The following ZNF197 variants were observed in gnomAD, a reference collection of about 807,000 sequenced individuals.
The protein encoded by ZNF197 is zinc finger protein 197.
In ZNF197, 14 loss-of-function variants were observed where a neutral mutation model predicts 27.4. The observed-to-expected ratio is 0.51, with a 90% CI of 0.34 to 0.80. ZNF197 has a LOEUF of 0.80. Ranked by LOEUF, ZNF197 falls within the 30% of genes least tolerant of loss-of-function variation. ZNF197 has a pLI of 0.02. For synonymous variants in ZNF197, 415 were observed against 420.0 expected, an observed-to-expected ratio of 0.99 and a Z score of 0.15; for missense variants, 1,090 against 1,222.6, an observed-to-expected ratio of 0.89 and a Z score of 1.62.
In ZNF197 at chr3:44,642,859, C is replaced by T. The variant is rs760841561; in HGVS notation, c.1729C>T (p.Arg577Ter). Reference protein sequence around the residue: ...KCKECGKVFIRSKSLLLHQRV... With the variant: ...KCKECGKVFI ...TAAAGAATGTGGAAAAGTTTTCATTCGAAGCAAAAGCCTCCTCTTACATCA... is the reference window on the plus strand; with the variant it reads ...TAAAGAATGTGGAAAAGTTTTCATTTGAAGCAAAAGCCTCCTCTTACATCA... The change falls in exon 6 of 6, where the codon CGA becomes TGA. Residue 577 changes from arginine (R) to a stop codon, truncating the protein, a stop_gained. Coordinates refer to ENST00000344387, the MANE Select transcript of ZNF197 (RefSeq NM_006991.5). LOFTEE classifies it low-confidence loss of function (END_TRUNC). 9.9e-6 allele frequency: 16 copies of T among 1,613,934 alleles called. No individual in the cohort carries two copies. The highest frequency in any genetic ancestry group is 2.2e-5 in the East Asian group (1 of 44,890).
chr3:44,645,263 G>C lies in ZNF197; in HGVS notation c.*1043G>C. ...CAGTTGTCAATAAAGTTGGATAAAA[G>C]AGGTTATGGTAAAAGTTTAGAACAT... On this transcript the variant is annotated 3_prime_UTR_variant, in exon 6 of 6. Transcript: ENST00000344387. 1 of 985,206 alleles carries C rather than the reference G, an allele frequency of 1.0e-6. No individual in the cohort carries two copies. Among genetic ancestry groups the C allele is most frequent in the Non-Finnish European group, 1.2e-6 (1 of 829,920 alleles). The allele number at this position is 985,206 out of a possible 1,614,324, so 61.0% of individuals were successfully genotyped here. A position where few individuals can be genotyped will look rare whatever the true frequency, so the allele number is the denominator to read the frequency against.
intron 5 of ZNF197, 27 bp from the exon 6 acceptor site, chr3:44,641,873 A>G: frequency 1.3e-6 from 2 of 1,544,692 alleles, no homozygotes; most frequent in Admixed American, 2.1e-5. Context: ...ACGTGGTAAC[A>G]TTTGCATTTT....
At chr3:44,639,768 A>G (rs1702495191) in intron 5 of ZNF197, among the ~76,000 whole-genome samples, 2 of 152,170 alleles carry the variant, frequency 1.3e-5, no homozygotes, top group Non-Finnish European at 2.9e-5. Flanking sequence ...AGGAAGAGGA[A>G]AGGACACGGA....
At chr3:44,635,269 T>A (rs1244001504) in intron 5 of ZNF197, among the ~76,000 whole-genome samples, 1 of 151,188 alleles carries the variant, frequency 6.6e-6, no homozygotes, top group African/African-American at 2.4e-5. Flanking sequence ...AAAAAAAAAA[T>A]GTGCACTCCG....
At chr3:44,632,080 T>C (rs770461623) in intron 3 of ZNF197, 25 bp from the exon 4 acceptor site, 1 of 1,609,316 alleles carries the variant, frequency 6.2e-7, no homozygotes, top group East Asian at 2.2e-5. Flanking sequence ...GTAGGTCCCA[T>C]ATGCAGCTTT....
rs192086609 is a variant in ZNF197, at chr3:44,629,434, C to G, written c.280C>G (p.Leu94Val). 5.0e-6 allele frequency: 8 copies of G among 1,614,004 alleles called. No homozygotes were observed. Among genetic ancestry groups the G allele is most frequent in the African/African-American group, 4.0e-5 (3 of 74,930 alleles). Residue 94 changes from leucine (L) to valine (V), a missense_variant, in exon 2 of 6, where the codon CTG (leucine) becomes GTG (valine). Leu to Val is a conservative substitution (Grantham distance 32, BLOSUM62 1). Transcript: ENST00000344387. ...GGTGCTGGAGCAGTTTCTGAGCATC[C>G]TGCCTGGGGAGATTCGGACCTGGGT... is the stretch of plus-strand genomic sequence containing the variant. ...LLVLEQFLSI[L>V]PGEIRTWVQL... is the part of the protein sequence containing the mutation.
Position 44,643,312 on chromosome 3 carries a change from C to T in ZNF197, c.2182C>T (p.His728Tyr), listed in dbSNP as rs1433531625. The T allele has an allele frequency of 2.5e-6, 4 of 1,613,548 alleles. No individual in the cohort carries two copies. Among genetic ancestry groups the T allele is most frequent in the Non-Finnish European group, 3.4e-6 (4 of 1,179,896 alleles). Residue 728 changes from histidine (H) to tyrosine (Y), a missense_variant, in exon 6 of 6, where the codon CAT becomes TAT. Coordinates refer to ENST00000344387, the MANE Select transcript of ZNF197 (RefSeq NM_006991.5). ...SKSFMVHQKL[H>Y]TQEKAYKCED... Reference sequence around the variant, plus strand: ...AAGTTTTATGGTCCATCAGAAACTCCATACACAAGAGAAAGCCTACAAATG... The same window carrying T: ...AAGTTTTATGGTCCATCAGAAACTCTATACACAAGAGAAAGCCTACAAATG...
In ZNF197 at chr3:44,642,481, G is replaced by A. The variant is rs1253596565; in HGVS notation, c.1351G>A (p.Glu451Lys). The change falls in exon 6 of 6, where the codon GAG (glutamate) becomes AAG (lysine). Residue 451 changes from glutamate to lysine, a missense_variant. Glu to Lys is a moderately conservative substitution (Grantham distance 56). Transcript: ENST00000344387. Reference protein sequence around the residue: ...LLNHQRIHTGEKPYKCKECGK... With the variant: ...LLNHQRIHTGKKPYKCKECGK... ...AAACCATCAGAGGATCCACACTGGG[G>A]AGAAACCTTATAAGTGTAAGGAGTG... 6.2e-7 allele frequency: 1 copy of A among 1,614,084 alleles called. No homozygotes were observed. The highest frequency in any genetic ancestry group is 8.5e-7 in the Non-Finnish European group (1 of 1,179,990).
chr3:44,629,614 G>T, intron 2 of ZNF197, 70 bp downstream of exon 2: 2 of 1,477,492 alleles, frequency 1.4e-6, no homozygotes, highest in East Asian at 2.4e-5. Flanking sequence ...TAGGCTAGAG[G>T]GTGATCCTGT....
chr3:44,631,332 A>G, intron 3 of ZNF197, 111 bp downstream of exon 3: 1 of 1,351,408 alleles, frequency 7.4e-7, no homozygotes, highest in Non-Finnish European at 1.0e-6. Context: ...AGTCTCTTAC[A>G]GTGCCAATTT....
At chr3:44,626,101 TTTG>T (rs1203722350) in intron 1 of ZNF197, among the ~76,000 whole-genome samples, 7 of 152,212 alleles carry the variant, frequency 4.6e-5, no homozygotes, top group East Asian at 1.9e-4. Flanking sequence ...TGTTTAAGAA[TTTG>T]TTATTTTTAT....
intron 1 of ZNF197, among the ~76,000 whole-genome samples, chr3:44,625,750 GCACACACACACACACACACA>G (rs56833441): frequency 2.7e-5 from 4 of 149,058 alleles, no homozygotes; most frequent in East Asian, 4.0e-4. Context: ...GCGCGCGCGC[GCACACACACACACACACACA>G]CACACACACA....
intron 5 of ZNF197, 41 bp downstream of exon 5, chr3:44,632,640 C>T: frequency 2.1e-6 from 3 of 1,424,890 alleles, no homozygotes; most frequent in Non-Finnish European, 1.8e-6. Context: ...TTTATTTCAC[C>T]AGCCTTTATT....
rs778048207 is a variant in ZNF197, at chr3:44,632,466, A to G, written c.643-7A>G. The G allele has an allele frequency of 3.2e-6, 5 of 1,580,306 alleles. No individual in the cohort carries two copies. Among genetic ancestry groups the G allele is most frequent in the Non-Finnish European group, 4.3e-6 (5 of 1,167,266 alleles). On this transcript the variant is annotated splice_polypyrimidine_tract_variant and splice_region_variant and intron_variant, in intron 4 of 5. Transcript: ENST00000344387. The stretch of plus-strand genomic sequence containing the variant: ...ATTGGTAATCTCACACACACTTGTT[A>G]TTTCAGGAGTTGGTGATGTTCGAGG...
chr3:44,634,924 C>T (rs1338740188), intron 5 of ZNF197, among the ~76,000 whole-genome samples: 1 of 152,018 alleles, frequency 6.6e-6, no homozygotes, highest in African/African-American at 2.4e-5. Flanking sequence ...TGGCCTCAAG[C>T]AAACCTCCCA....
Position 44,643,098 on chromosome 3 carries a change from GA to G in ZNF197, c.1971del (p.Val658PhefsTer4). On this transcript the variant is annotated frameshift_variant, in exon 6 of 6. Transcript: ENST00000344387. LOFTEE classifies it low-confidence loss of function (END_TRUNC). ...EKPYECNECG[K>X]VFILKKSLIL... The stretch of plus-strand genomic sequence containing the variant: ...AGCCCTATGAATGTAATGAATGTGG[GA>G]AAGTTTTTATTCTGAAGAAGAGCCT... 1 of 1,613,748 alleles carries G rather than the reference GA, an allele frequency of 6.2e-7. No homozygotes were observed. Among genetic ancestry groups the G allele is most frequent in the Non-Finnish European group, 8.5e-7 (1 of 1,179,938 alleles).
chr3:44,634,883 C>T (rs971741444), intron 5 of ZNF197, among the ~76,000 whole-genome samples: 1 of 151,940 alleles, frequency 6.6e-6, no homozygotes, highest in Non-Finnish European at 1.5e-5. Context: ...ATGGCAGCCT[C>T]ACTATGCTGC....
chr3:44,639,599 T>C (rs1702487626), intron 5 of ZNF197, among the ~76,000 whole-genome samples: 1 of 152,156 alleles, frequency 6.6e-6, no homozygotes, highest in Non-Finnish European at 1.5e-5. Context: ...TCATCTAAGT[T>C]GTCTTAATTT....
At position 44,645,406 on chromosome 3, in the gene ZNF197, TC is replaced by T. The variant is rs1334742542; in HGVS notation, c.*1187del. 2.0e-6 allele frequency: 2 copies of T among 985,284 alleles called. No individual in the cohort carries two copies. Among genetic ancestry groups the T allele is most frequent in the African/African-American group, 3.5e-5 (2 of 57,236 alleles). The allele number at this position is 985,284 out of a possible 1,614,324, so 61.0% of individuals were successfully genotyped here. ...TGAATAGCTAACTGGAATTTAGTGTTCTAAGAATAATTTTGTTAAATTTACC... is the reference window on the plus strand; with the variant it reads ...TGAATAGCTAACTGGAATTTAGTGTTTAAGAATAATTTTGTTAAATTTACC... On this transcript the variant is annotated 3_prime_UTR_variant, in exon 6 of 6. Transcript: ENST00000344387.
Sources: allele counts gnomAD v4.1 joint callset (sites outside exome capture counted in the v4.1 genomes callset), GRCh38; gene constraint gnomAD v4.1.1; transcripts MANE v1.5; gene names NCBI Gene and HGNC (gene_info 2026-07-23, HGNC 2026-07-21).